Variants in PARN observed in about 807,000 individuals in gnomAD.
The protein encoded by PARN is poly(A)-specific ribonuclease, also known as poly(A)-specific ribonuclease PARN.
A neutral mutation model predicts 102.8 loss-of-function variants in PARN; 71 were observed. That is an observed-to-expected ratio of 0.69 (90% confidence interval 0.57 to 0.84). The LOEUF is 0.84. Among genes scored for constraint, PARN ranks in the 40% least tolerant of loss-of-function variants. The pLI, the probability that PARN is intolerant of heterozygous loss-of-function variation, is 0.00. For missense variants in PARN, 782 were observed against 760.9 expected, an observed-to-expected ratio of 1.03 and a Z score of -0.33; for synonymous variants, 261 against 252.9, an observed-to-expected ratio of 1.03 and a Z score of -0.30.
At chr16:14,452,084 T>C (rs1266843033) in intron 22 of PARN, among the ~76,000 whole-genome samples, 1 of 151,900 alleles carries the variant, frequency 6.6e-6, no homozygotes, top group African/African-American at 2.4e-5. Flanking sequence ...AACCACTTCA[T>C]ATCTCAACAT....
At chr16:14,501,199 T>A (rs1285112177) in intron 21 of PARN, among the ~76,000 whole-genome samples, 4 of 150,472 alleles carry the variant, frequency 2.7e-5, no homozygotes, top group African/African-American at 7.3e-5. Flanking sequence ...TTAACACTTT[T>A]GGATTATTTG....
rs148966549 is a variant in PARN, at chr16:14,572,665, C to T, written c.1262+8209G>A. 4.3e-3 allele frequency among the ~76,000 whole-genome samples: 662 copies of T among 152,302 alleles called. 3 individuals are homozygous for T. Among genetic ancestry groups the T allele is most frequent in the Middle Eastern group, 0.01 (3 of 294 alleles). On this transcript the variant is annotated intron_variant, in intron 18 of 23. Transcript: ENST00000437198. ...GCTCCAAACCAAAGCCATCATGCTT[C>T]TATTACGTACCAATGTGACACAATC... is the stretch of plus-strand genomic sequence containing the variant.
chr16:14,542,954 T>A (rs145530851), intron 21 of PARN, among the ~76,000 whole-genome samples: 298 of 152,336 alleles, frequency 2.0e-3, no homozygotes, highest in African/African-American at 6.9e-3. Context: ...GTGAAAACTA[T>A]GAATTTATAG....
intron 22 of PARN, among the ~76,000 whole-genome samples, chr16:14,455,940 C>A (rs1411601715): frequency 6.6e-6 from 1 of 152,154 alleles, no homozygotes; most frequent in East Asian, 1.9e-4. Context: ...TTTTAGTTCT[C>A]GCAGAATATT....
chr16:14,580,171 C>T (rs1341084693), intron 18 of PARN, among the ~76,000 whole-genome samples: 2 of 152,052 alleles, frequency 1.3e-5, no homozygotes, highest in African/African-American at 2.4e-5. Flanking sequence ...GGGGTTTCAC[C>T]GTGTTAGCCA....
intron 21 of PARN, among the ~76,000 whole-genome samples, chr16:14,516,090 C>T (rs1965441913): frequency 6.6e-6 from 1 of 151,064 alleles, no homozygotes; most frequent in African/African-American, 2.4e-5. Context: ...TTTATGAGGG[C>T]CAAATTAGAA....
Position 14,580,886 on chromosome 16 carries a change from G to C in PARN, c.1250C>G (p.Pro417Arg), listed in dbSNP as rs1451726091. The change falls in exon 18 of 24, where the codon CCT becomes CGT. Residue 417 changes from proline (P) to arginine (R), a missense_variant. Physicochemically the swap from Pro to Arg is moderately radical, Grantham distance 103 (BLOSUM62 -2). Coordinates refer to ENST00000437198, the MANE Select transcript of PARN (RefSeq NM_002582.4). ...TCTGATTACTTACTTGTTAAAAAAA[G>C]GTTCAATGAGTTTTGATCTGGCAGA... ...HVSARSKLIEPFFNKLFLMRV... is the reference protein window; with the variant it reads ...HVSARSKLIERFFNKLFLMRV... 4 of 1,602,194 alleles carry C rather than the reference G, an allele frequency of 2.5e-6. No individual in the cohort carries two copies. The highest frequency in any genetic ancestry group is 1.6e-4 in the Middle Eastern group (1 of 6,066).
At chr16:14,595,647 C>T (rs577982155) in intron 12 of PARN, among the ~76,000 whole-genome samples, 1 of 152,176 alleles carries the variant, frequency 6.6e-6, no homozygotes, top group African/African-American at 2.4e-5. Flanking sequence ...ATTCTCCTGC[C>T]TCAGCCTCCT....
chr16:14,610,310 T>C (rs1971451117), intron 7 of PARN, among the ~76,000 whole-genome samples: 1 of 151,826 alleles, frequency 6.6e-6, no homozygotes, highest in African/African-American at 2.4e-5. Flanking sequence ...TCGTCTCTAC[T>C]AAAAATATAA....
intron 18 of PARN, among the ~76,000 whole-genome samples, chr16:14,561,371 G>C (rs1437489478): frequency 6.6e-6 from 1 of 152,174 alleles, no homozygotes; most frequent in Non-Finnish European, 1.5e-5. Flanking sequence ...CAAGACTCCT[G>C]ACTCAGAAAC....
chr16:14,478,785 T>C (rs775798322), intron 22 of PARN, among the ~76,000 whole-genome samples: 9 of 152,186 alleles, frequency 5.9e-5, no homozygotes, highest in Admixed American at 1.3e-4. Flanking sequence ...CAATGAATTA[T>C]ATTTCTTTTT....
At chr16:14,535,523 A>C (rs989827851) in intron 21 of PARN, among the ~76,000 whole-genome samples, 2 of 152,250 alleles carry the variant, frequency 1.3e-5, no homozygotes, top group Non-Finnish European at 2.9e-5. Context: ...AAGTTGATGG[A>C]AAATTCAGAG....
At chr16:14,559,097 T>C (rs1181233356) in intron 18 of PARN, among the ~76,000 whole-genome samples, 3 of 152,026 alleles carry the variant, frequency 2.0e-5, no homozygotes, top group African/African-American at 7.2e-5. Flanking sequence ...TACAATTCTG[T>C]TATATTGCTA....
intron 21 of PARN, among the ~76,000 whole-genome samples, chr16:14,515,855 G>A (rs529130217): frequency 1.5e-4 from 23 of 152,152 alleles, no homozygotes; most frequent in Non-Finnish European, 2.1e-4. Context: ...CAGGAGGATT[G>A]CTTGAGGCCA....
intron 18 of PARN, among the ~76,000 whole-genome samples, chr16:14,562,526 A>G (rs1280219433): frequency 3.9e-5 from 6 of 151,960 alleles, no homozygotes; most frequent in Non-Finnish European, 8.8e-5. Flanking sequence ...AGGCAGTAAC[A>G]TAAGCCTTCT....
rs1465806333 is a variant in PARN at position 14,436,453 on chromosome 16, C to T, written c.*264G>A. The T allele has an allele frequency of 1.2e-5, 6 of 519,446 alleles. No homozygotes were observed. The highest frequency in any genetic ancestry group is 2.8e-5 in the South Asian group (1 of 36,052). 32.2% of individuals were successfully genotyped at this position (519,446 alleles called of 1,614,324 possible). On this transcript the variant is annotated 3_prime_UTR_variant, in exon 24 of 24. Transcript: ENST00000437198. ...CAGGAAAGGCCTCACAAGAGCAACACGGAATTCACTGGTTAAGCACGTACA... is the reference window on the plus strand; with the variant it reads ...CAGGAAAGGCCTCACAAGAGCAACATGGAATTCACTGGTTAAGCACGTACA...
At chr16:14,497,159 T>C (rs1342364524) in intron 21 of PARN, among the ~76,000 whole-genome samples, 3 of 152,042 alleles carry the variant, frequency 2.0e-5, no homozygotes, top group Non-Finnish European at 4.4e-5. Context: ...TTCGACTTTC[T>C]CCCCTCTTTT....
At chr16:14,521,657 G>T (rs1278584316) in intron 21 of PARN, among the ~76,000 whole-genome samples, 1 of 152,078 alleles carries the variant, frequency 6.6e-6, no homozygotes, top group Non-Finnish European at 1.5e-5. Context: ...AATTAGCAGG[G>T]TGTAGTGGTA....
intron 5 of PARN, among the ~76,000 whole-genome samples, chr16:14,622,503 G>C (rs1972373707): frequency 6.6e-6 from 1 of 152,156 alleles, no homozygotes; most frequent in Non-Finnish European, 1.5e-5. Context: ...GTGAAATTAG[G>C]ATTCCATATA....
Sources: gnomAD v4.1 joint callset for allele counts (sites outside exome capture counted in the v4.1 genomes callset) on GRCh38, gnomAD v4.1.1 for gene constraint, MANE v1.5 for transcripts, NCBI Gene and HGNC (gene_info 2026-07-23, HGNC 2026-07-21) for gene names.